Variants in INO80 observed in about 807,000 individuals in gnomAD.
INO80 encodes the protein chromatin-remodeling ATPase INO80.
Under a neutral mutation model 203.4 loss-of-function variants are expected in INO80, and 20 were observed. That is an observed-to-expected ratio of 0.10 (90% CI 0.07 to 0.14). The LOEUF (loss-of-function observed/expected upper bound fraction) is 0.14. Among genes scored for constraint, INO80 ranks in the 10% least tolerant of loss-of-function variants. The pLI, the probability that INO80 is intolerant of heterozygous loss-of-function variation, is 1.00. For missense variants in INO80, 1,419 were observed against 1,914.4 expected (o/e 0.74, Z 4.83); for synonymous variants, 726 against 685.2 (o/e 1.06, Z -0.93).
At chr15:41,076,656 T>G (rs1346485577) in intron 9 of INO80, among the ~76,000 whole-genome samples, 1 of 152,032 alleles carries the variant, frequency 6.6e-6, no homozygotes, top group Non-Finnish European at 1.5e-5. Context: ...GCGGGAGGAC[T>G]GCTTGAGCCC....
intron 1 of INO80, among the ~76,000 whole-genome samples, chr15:41,100,317 G>A (rs930249956): frequency 1.3e-5 from 2 of 151,974 alleles, no homozygotes; most frequent in African/African-American, 2.4e-5. Flanking sequence ...CTCGTGATTC[G>A]CCCGCCTCGG....
chr15:41,026,190 C>T (rs1217895655), intron 25 of INO80, among the ~76,000 whole-genome samples: 1 of 152,090 alleles, frequency 6.6e-6, no homozygotes, highest in Non-Finnish European at 1.5e-5. Context: ...AGAACGCAAG[C>T]TGATAAAAAA....
At chr15:41,084,739 GATAAA>G (rs1406840590) in intron 7 of INO80, among the ~76,000 whole-genome samples, 6 of 152,010 alleles carry the variant, frequency 3.9e-5, no homozygotes, top group African/African-American at 1.5e-4. Flanking sequence ...TAATTTTTGA[GATAAA>G]ATAAATAAAT....
chr15:41,069,069 C>T (rs1212641294), intron 14 of INO80, among the ~76,000 whole-genome samples: 1 of 152,146 alleles, frequency 6.6e-6, no homozygotes, highest in Non-Finnish European at 1.5e-5. Context: ...GCAATATGCA[C>T]TCATTGTTCC....
intron 1 of INO80, among the ~76,000 whole-genome samples, chr15:41,105,900 A>C (rs1334939751): frequency 6.6e-6 from 1 of 152,172 alleles, no homozygotes; most frequent in Non-Finnish European, 1.5e-5. Context: ...TTCCTGCCCC[A>C]ATCACAGAAT....
At chr15:41,033,815 G>A (rs2044528492) in intron 24 of INO80, among the ~76,000 whole-genome samples, 1 of 152,162 alleles carries the variant, frequency 6.6e-6, no homozygotes, top group African/African-American at 2.4e-5. Context: ...ACTCTGGGAG[G>A]CCAAGGCGGG....
chr15:41,072,423 C>T (rs563903021), intron 11 of INO80, among the ~76,000 whole-genome samples: 2 of 151,708 alleles, frequency 1.3e-5, no homozygotes, highest in South Asian at 4.2e-4. Flanking sequence ...CTATATCATA[C>T]ATAACAAAGA....
Position 40,982,888 on chromosome 15 carries a change from G to A in INO80, c.4427C>T (p.Ala1476Val). ...TTTAGACACGTTGTACCCGTATGCG[G>A]CATAGGCAGCTGCAGAGGCCGCTGC... The part of the protein sequence containing the change: ...GAAAASAAAY[A>V]AYGYNVSKGI... The change falls in exon 35 of 36, where the codon GCC (alanine) becomes GTC (valine). Residue 1476 changes from alanine (A) to valine (V), a missense_variant. Coordinates refer to ENST00000648947, the MANE Select transcript of INO80 (RefSeq NM_017553.3). 1 of 1,613,492 alleles carries A rather than the reference G, an allele frequency of 6.2e-7. No individual in the cohort carries two copies. Among genetic ancestry groups the A allele is most frequent in the Non-Finnish European group, 8.5e-7 (1 of 1,179,970 alleles).
intron 1 of INO80, among the ~76,000 whole-genome samples, chr15:41,112,805 A>AC (rs2045976288): frequency 6.6e-6 from 1 of 151,470 alleles, no homozygotes; most frequent in East Asian, 1.9e-4. Flanking sequence ...AAAAAAAAAA[A>AC]AAAAAAAACT....
intron 29 of INO80, among the ~76,000 whole-genome samples, chr15:40,994,895 A>C (rs1224208064): frequency 6.6e-6 from 1 of 152,064 alleles, no homozygotes; most frequent in Non-Finnish European, 1.5e-5. Context: ...CTAGAAATAG[A>C]CTTAGGCTGG....
chr15:41,022,276 C>T (rs915079058), intron 25 of INO80, among the ~76,000 whole-genome samples: 8 of 152,142 alleles, frequency 5.3e-5, no homozygotes, highest in African/African-American at 1.7e-4. Flanking sequence ...CATAAAACAC[C>T]GGCTGTATCT....
chr15:41,081,624 A>C (rs1352558022), intron 7 of INO80, among the ~76,000 whole-genome samples: 1 of 152,192 alleles, frequency 6.6e-6, no homozygotes, highest in Non-Finnish European at 1.5e-5. Context: ...CCAGCAGCCC[A>C]CAACCCAGCT....
intron 14 of INO80, among the ~76,000 whole-genome samples, chr15:41,068,822 T>C (rs898608164): frequency 1.3e-5 from 2 of 152,126 alleles, no homozygotes; most frequent in African/African-American, 2.4e-5. Context: ...ATTGTGCCAC[T>C]GCACTCTAGC....
At chr15:41,051,397 C>G (rs2044868432) in intron 19 of INO80, among the ~76,000 whole-genome samples, 1 of 151,656 alleles carries the variant, frequency 6.6e-6, no homozygotes, top group Non-Finnish European at 1.5e-5. Context: ...CTCTAACTTT[C>G]CCTAGCAAAA....
chr15:41,093,320 G>A (rs2045672114), intron 4 of INO80, among the ~76,000 whole-genome samples: 1 of 152,086 alleles, frequency 6.6e-6, no homozygotes, highest in South Asian at 2.1e-4. Context: ...AGCTACTCAG[G>A]AGGCTGAGAC....
At chr15:41,073,587 C>T (rs907883333) in intron 10 of INO80, 92 bp from the exon 11 acceptor site, 5 of 997,682 alleles carry the variant, frequency 5.0e-6, no homozygotes, top group South Asian at 1.3e-5. Flanking sequence ...CCCTGATTCC[C>T]TCATTCTACT....
intron 1 of INO80, among the ~76,000 whole-genome samples, chr15:41,111,564 GGA>G (rs2045958971): frequency 6.6e-6 from 1 of 152,040 alleles, no homozygotes; most frequent in South Asian, 2.1e-4. Flanking sequence ...CAGCACTTTG[GGA>G]GGCTAAGGTG....
chr15:41,092,335 A>C (rs2045658007), intron 4 of INO80, among the ~76,000 whole-genome samples, 153 bp from the exon 5 acceptor site: 1 of 152,258 alleles, frequency 6.6e-6, no homozygotes, highest in Admixed American at 6.5e-5. Flanking sequence ...ATTCAACTGA[A>C]AAACATTAAG....
At chr15:41,086,008 T>C (rs940657040) in intron 6 of INO80, among the ~76,000 whole-genome samples, 2 of 152,044 alleles carry the variant, frequency 1.3e-5, no homozygotes, top group East Asian at 1.9e-4. Flanking sequence ...TACAGGCGCG[T>C]GGCAAGAACC....
Sources: gnomAD v4.1 joint callset for allele counts (sites outside exome capture counted in the v4.1 genomes callset) on GRCh38, gnomAD v4.1.1 for gene constraint, MANE v1.5 for transcripts, NCBI Gene and HGNC (gene_info 2026-07-23, HGNC 2026-07-21) for gene names.